Variants in SYT1 observed in about 807,000 individuals in gnomAD.
SYT1 encodes synaptotagmin 1.
SYT1 carries 8 observed loss-of-function variants against 44.8 expected under a neutral mutation model. That is an observed-to-expected ratio of 0.18 (90% CI 0.10 to 0.32). The LOEUF (loss-of-function observed/expected upper bound fraction) is 0.32. Among genes scored for constraint, SYT1 ranks in the 10% least tolerant of loss-of-function variants. The pLI is 1.00. For synonymous variants in SYT1, 154 were observed against 188.8 expected (o/e 0.82, Z 1.51); for missense variants, 286 against 509.3 (o/e 0.56, Z 4.22).
chr12:78,970,998 T>TA (rs1336107358), intron 1 of SYT1, among the ~76,000 whole-genome samples: 1 of 151,872 alleles, frequency 6.6e-6, no homozygotes, highest in Non-Finnish European at 1.5e-5. Flanking sequence ...AAATAAAATT[T>TA]AAAAAAATAC....
chr12:78,985,085 A>G (rs927547887), intron 2 of SYT1, among the ~76,000 whole-genome samples: 26 of 152,096 alleles, frequency 1.7e-4, no homozygotes, highest in Middle Eastern at 6.8e-3. Flanking sequence ...TGTAGGAAAG[A>G]ACAACGAATG....
intron 3 of SYT1, among the ~76,000 whole-genome samples, chr12:79,054,618 T>G (rs1415479575): frequency 6.6e-6 from 1 of 151,962 alleles, no homozygotes; most frequent in African/African-American, 2.4e-5. Flanking sequence ...CCTTTATCCT[T>G]CATTCTTTAT....
intron 1 of SYT1, among the ~76,000 whole-genome samples, chr12:78,892,937 G>T (rs1875137260): frequency 6.6e-6 from 1 of 151,794 alleles, no homozygotes; most frequent in African/African-American, 2.4e-5. Context: ...TGAAAAATTA[G>T]GATGTATAAG....
intron 4 of SYT1, among the ~76,000 whole-genome samples, chr12:79,220,503 G>C (rs569698858): frequency 6.6e-6 from 1 of 151,746 alleles, no homozygotes; most frequent in South Asian, 2.1e-4. Flanking sequence ...TCAACATTAG[G>C]CTATTTATTT....
intron 9 of SYT1, among the ~76,000 whole-genome samples, chr12:79,371,148 A>G (rs915133817): frequency 1.3e-5 from 2 of 152,202 alleles, no homozygotes; most frequent in Admixed American, 6.5e-5. Context: ...ATCCCCATAT[A>G]TGAATGAGAA....
intron 8 of SYT1, among the ~76,000 whole-genome samples, chr12:79,308,417 G>A (rs944293982): frequency 6.6e-6 from 1 of 150,810 alleles, no homozygotes; most frequent in African/African-American, 2.5e-5. Flanking sequence ...CCAGCTACTC[G>A]GGAGGCTGAA....
At chr12:79,278,057 G>T (rs1436423205) in intron 4 of SYT1, among the ~76,000 whole-genome samples, 2 of 152,006 alleles carry the variant, frequency 1.3e-5, no homozygotes, top group African/African-American at 2.4e-5. Flanking sequence ...CAGCAATACA[G>T]TAATAAGGGA....
At chr12:78,894,529 C>A (rs1875246909) in intron 1 of SYT1, among the ~76,000 whole-genome samples, 1 of 150,986 alleles carries the variant, frequency 6.6e-6, no homozygotes, top group East Asian at 2.0e-4. Context: ...TGATACGCAT[C>A]AAAATAATAG....
At chr12:78,872,062 T>C (rs1184494256) in intron 1 of SYT1, among the ~76,000 whole-genome samples, 1 of 151,960 alleles carries the variant, frequency 6.6e-6, no homozygotes, top group East Asian at 1.9e-4. Flanking sequence ...ATAATGTACC[T>C]ATTTTTAGTG....
chr12:78,889,838 C>T (rs1046492270), intron 1 of SYT1, among the ~76,000 whole-genome samples: 65 of 151,788 alleles, frequency 4.3e-4, no homozygotes, highest in African/African-American at 1.6e-3. Context: ...TGTAAAATGC[C>T]TCAGTCACAA....
intron 8 of SYT1, among the ~76,000 whole-genome samples, chr12:79,310,077 A>C (rs1176069905): frequency 1.3e-5 from 2 of 152,204 alleles, no homozygotes; most frequent in Admixed American, 1.3e-4. Flanking sequence ...TGTTTTAGAC[A>C]TGAAGTCCTT....
chr12:79,394,865 A>C (rs1462799049), intron 9 of SYT1, among the ~76,000 whole-genome samples: 1 of 152,204 alleles, frequency 6.6e-6, no homozygotes, highest in Non-Finnish European at 1.5e-5. Context: ...TTCACTATTA[A>C]ATACATTAGG....
At chr12:79,361,431 C>T (rs1344296846) in intron 9 of SYT1, among the ~76,000 whole-genome samples, 1 of 152,170 alleles carries the variant, frequency 6.6e-6, no homozygotes, top group African/African-American at 2.4e-5. Flanking sequence ...TCAGCAGGTT[C>T]AACCTGGAGA....
At chr12:79,222,153 T>C (rs1467539600) in intron 4 of SYT1, among the ~76,000 whole-genome samples, 1 of 152,124 alleles carries the variant, frequency 6.6e-6, no homozygotes, top group Non-Finnish European at 1.5e-5. Flanking sequence ...TGTTGAGAAG[T>C]TGGCTGCTGG....
At chr12:79,428,181 G>C (rs1869560175) in intron 9 of SYT1, among the ~76,000 whole-genome samples, 1 of 152,100 alleles carries the variant, frequency 6.6e-6, no homozygotes, top group African/African-American at 2.4e-5. Context: ...TACAGTGCCT[G>C]GTCAAAGCCT....
intron 1 of SYT1, among the ~76,000 whole-genome samples, chr12:78,918,294 C>A (rs1343774816): frequency 6.6e-6 from 1 of 152,038 alleles, no homozygotes; most frequent in Non-Finnish European, 1.5e-5. Flanking sequence ...TGAAAACAGC[C>A]TTTCCCTTGC....
intron 1 of SYT1, among the ~76,000 whole-genome samples, chr12:78,882,701 A>G (rs1393027706): frequency 6.6e-6 from 1 of 151,832 alleles, no homozygotes; most frequent in Non-Finnish European, 1.5e-5. Context: ...GAAGAAATAT[A>G]TTTATAAATT....
At chr12:79,281,248 C>T (rs1232264719) in intron 4 of SYT1, among the ~76,000 whole-genome samples, 2 of 152,038 alleles carry the variant, frequency 1.3e-5, no homozygotes, top group Non-Finnish European at 1.5e-5. Flanking sequence ...ATGGAATCAA[C>T]CTAAGTGCTC....
intron 3 of SYT1, among the ~76,000 whole-genome samples, chr12:79,198,757 G>A (rs753692062): frequency 5.3e-5 from 8 of 152,186 alleles, no homozygotes; most frequent in Admixed American, 2.0e-4. Context: ...GTGTGAAAAT[G>A]ACAGAATGTT....
Sources: allele counts gnomAD v4.1 joint callset (sites outside exome capture counted in the v4.1 genomes callset), GRCh38; gene constraint gnomAD v4.1.1; transcripts MANE v1.5; gene names NCBI Gene and HGNC (gene_info 2026-07-23, HGNC 2026-07-21).